NBEA: variants seen among roughly 807,000 people sequenced by gnomAD.
NBEA encodes the protein neurobeachin, also known as lysosomal-trafficking regulator 2.
Under a neutral mutation model 343.4 loss-of-function variants are expected in NBEA, and 44 were observed. That is an observed-to-expected ratio of 0.13 (90% CI 0.10 to 0.16). The LOEUF (loss-of-function observed/expected upper bound fraction) is 0.16. Ranked by LOEUF, NBEA falls within the 10% of genes least tolerant of loss-of-function variation. NBEA has a pLI of 1.00. For synonymous variants in NBEA, 1,175 were observed against 1,238.7 expected, an observed-to-expected ratio of 0.95 and a Z score of 1.08; for missense variants, 2,555 against 3,631.3, an observed-to-expected ratio of 0.70 and a Z score of 7.62.
chr13:35,041,280 TG>T, intron 2 of NBEA, 116 bp downstream of exon 2: 1 of 859,122 alleles, frequency 1.2e-6, no homozygotes, highest in Non-Finnish European at 1.8e-6. Context: ...TTAAAATAAA[TG>T]GAAATGTGTG....
intron 41 of NBEA, among the ~76,000 whole-genome samples, chr13:35,486,973 A>G (rs2076326314): frequency 6.6e-6 from 1 of 151,974 alleles, no homozygotes; most frequent in Non-Finnish European, 1.5e-5. Context: ...AGAAGCAATT[A>G]TTTCAATAAT....
chr13:35,378,375 A>G (rs960058857), intron 38 of NBEA, among the ~76,000 whole-genome samples: 2 of 152,210 alleles, frequency 1.3e-5, no homozygotes, highest in Admixed American at 6.5e-5. Context: ...TTCAGAAAAT[A>G]AAATAGGTCA....
chr13:34,959,724 C>T (rs958341512), intron 1 of NBEA, among the ~76,000 whole-genome samples: 1 of 151,920 alleles, frequency 6.6e-6, no homozygotes, highest in Non-Finnish European at 1.5e-5. Flanking sequence ...TACAATGGAC[C>T]ACATATACAA....
chr13:35,499,197 A>G (rs921657361), intron 41 of NBEA, among the ~76,000 whole-genome samples: 3 of 152,116 alleles, frequency 2.0e-5, no homozygotes, highest in African/African-American at 7.2e-5. Flanking sequence ...TATGGTGTCA[A>G]TTCTTTGGTT....
In NBEA at chr13:35,475,344, C is replaced by G. The variant is rs372888288; in HGVS notation, c.6585+2808C>G. On this transcript the variant is annotated intron_variant, in intron 41 of 58. Coordinates refer to ENST00000379939, the MANE Select transcript of NBEA (RefSeq NM_001385012.1). ...TATGGTAATTGTTCAAGGGCTGGCC[C>G]GGCAGTTCAAGGTGACGATCCCTTA... 6 of 1,613,818 alleles carry G rather than the reference C, an allele frequency of 3.7e-6. No individual in the cohort carries two copies. In the African/African-American group the frequency reaches 8.0e-5, roughly 22 times the overall value.
At chr13:35,371,930 G>A (rs2041455501) in intron 38 of NBEA, among the ~76,000 whole-genome samples, 1 of 152,194 alleles carries the variant, frequency 6.6e-6, no homozygotes. Context: ...GTTGTTTGTG[G>A]AGGCTGTAGT....
chr13:35,566,794 A>G (rs770164092), intron 44 of NBEA, 111 bp from the exon 45 acceptor site: 3 of 602,872 alleles, frequency 5.0e-6, no homozygotes, highest in Non-Finnish European at 8.9e-6. Context: ...ATACGGTTCA[A>G]TAAATAAAAA....
At chr13:34,990,814 C>G (rs1219453901) in intron 1 of NBEA, among the ~76,000 whole-genome samples, 1 of 152,190 alleles carries the variant, frequency 6.6e-6, no homozygotes, top group African/African-American at 2.4e-5. Context: ...GTTCCAGTTT[C>G]AGATCATCTC....
intron 45 of NBEA, among the ~76,000 whole-genome samples, chr13:35,581,047 CACAG>C (rs759056769): frequency 1.4e-4 from 21 of 152,142 alleles, no homozygotes; most frequent in Admixed American, 1.3e-4. Context: ...TTAGGGATTG[CACAG>C]ACATTTTATG....
chr13:35,297,111 TTCTC>T (rs771620790), intron 35 of NBEA, among the ~76,000 whole-genome samples: 4 of 152,020 alleles, frequency 2.6e-5, no homozygotes, highest in Non-Finnish European at 5.9e-5. Context: ...TTATTCAGCA[TTCTC>T]TCTTTTTTAC....
At chr13:35,071,642 T>C (rs879817600) in intron 10 of NBEA, among the ~76,000 whole-genome samples, 2 of 151,932 alleles carry the variant, frequency 1.3e-5, no homozygotes, top group African/African-American at 2.4e-5. Flanking sequence ...ATAGTAGTGC[T>C]TCATTAGTGT....
intron 56 of NBEA, among the ~76,000 whole-genome samples, chr13:35,666,571 G>A (rs1033994062): frequency 6.6e-6 from 1 of 152,130 alleles, no homozygotes; most frequent in Non-Finnish European, 1.5e-5. Flanking sequence ...ATTTAATCAT[G>A]TCACTTGCTT....
intron 1 of NBEA, among the ~76,000 whole-genome samples, chr13:34,983,668 T>G (rs1355079395): frequency 2.6e-5 from 4 of 152,152 alleles, no homozygotes; most frequent in Non-Finnish European, 4.4e-5. Flanking sequence ...TTTCTCCACA[T>G]CCTCTCCAGC....
chr13:35,140,177 A>ATT (rs1270333910), intron 17 of NBEA, among the ~76,000 whole-genome samples: 8 of 143,680 alleles, frequency 5.6e-5, no homozygotes, highest in African/African-American at 1.8e-4. Flanking sequence ...TGCCCAGCTA[A>ATT]TTTTTTTTTT....
intron 34 of NBEA, among the ~76,000 whole-genome samples, chr13:35,273,574 A>T (rs1475711233): frequency 6.6e-6 from 1 of 152,170 alleles, no homozygotes; most frequent in Non-Finnish European, 1.5e-5. Context: ...TGAATCCAGG[A>T]GCTGGTTTTT....
intron 8 of NBEA, among the ~76,000 whole-genome samples, chr13:35,066,169 C>T (rs2063645759): frequency 6.6e-6 from 1 of 152,096 alleles, no homozygotes; most frequent in Admixed American, 6.6e-5. Flanking sequence ...CTCTGTTGCT[C>T]AAGCTAGTTT....
intron 1 of NBEA, among the ~76,000 whole-genome samples, chr13:34,983,534 C>T (rs1172942632): frequency 6.6e-6 from 1 of 152,126 alleles, no homozygotes; most frequent in African/African-American, 2.4e-5. Context: ...TGGGTATATA[C>T]CCAGTAGTGG....
chr13:35,177,974 G>A (rs1332614785), intron 28 of NBEA, among the ~76,000 whole-genome samples: 1 of 151,580 alleles, frequency 6.6e-6, no homozygotes, highest in Non-Finnish European at 1.5e-5. Flanking sequence ...TCATCACTCT[G>A]TTTAATATAT....
intron 34 of NBEA, among the ~76,000 whole-genome samples, chr13:35,287,149 G>A (rs1244161409): frequency 1.3e-5 from 2 of 151,986 alleles, no homozygotes; most frequent in African/African-American, 2.4e-5. Context: ...CATCCCAGGT[G>A]TTCATTTTAT....
Sources: allele counts gnomAD v4.1 joint callset (sites outside exome capture counted in the v4.1 genomes callset), GRCh38; gene constraint gnomAD v4.1.1; transcripts MANE v1.5; gene names NCBI Gene and HGNC (gene_info 2026-07-23, HGNC 2026-07-21).